MRAP: variants seen among roughly 807,000 people sequenced by gnomAD.
MRAP encodes melanocortin-2 receptor accessory protein.
MRAP carries 8 observed loss-of-function variants against 8.7 expected under a neutral mutation model. The ratio of observed to expected loss-of-function variants is 0.92; its 90% confidence interval spans 0.54 to 1.66. The LOEUF (loss-of-function observed/expected upper bound fraction) is 1.66, where lower values mean the gene tolerates loss of function less well. Among genes scored for constraint, MRAP ranks in the 40% most tolerant of loss-of-function variants. The pLI, the probability that MRAP is intolerant of heterozygous loss-of-function variation, is 0.00. For missense variants in MRAP, 237 were observed against 217.1 expected (o/e 1.09, Z -0.58); for synonymous variants, 95 against 95.5 (o/e 1.00, Z 0.03).
At chr21:32,292,828 C>A (rs369347349) in intron 1 of MRAP, among the ~76,000 whole-genome samples, 39 of 151,924 alleles carry the variant, frequency 2.6e-4, no homozygotes, top group African/African-American at 8.9e-4. Flanking sequence ...TAGCAAAAAT[C>A]TTTAATAAAA....
At chr21:32,292,312 GTGATGGT>G (rs2032063546) in intron 1 of MRAP, among the ~76,000 whole-genome samples, 1 of 152,206 alleles carries the variant, frequency 6.6e-6, no homozygotes, top group Admixed American at 6.5e-5. Flanking sequence ...TTCAAGTTGA[GTGATGGT>G]TACATGTGAA....
chr21:32,309,062 G>A (rs2032487925), intron 2 of MRAP, among the ~76,000 whole-genome samples: 1 of 152,180 alleles, frequency 6.6e-6, no homozygotes, highest in African/African-American at 2.4e-5. Context: ...ACCTGAGGCT[G>A]AGTAATTTAT....
upstream of MRAP, among the ~76,000 whole-genome samples, chr21:32,295,314 T>C (rs1309378791): frequency 6.6e-6 from 1 of 152,180 alleles, no homozygotes; most frequent in East Asian, 1.9e-4. Flanking sequence ...TTGGGCTTTA[T>C]ATGTGGGCAT....
intron 2 of MRAP, among the ~76,000 whole-genome samples, chr21:32,310,361 G>A (rs1196967569): frequency 6.6e-6 from 1 of 152,092 alleles, no homozygotes; most frequent in Non-Finnish European, 1.5e-5. Context: ...GAGGAGGGAG[G>A]TGGGGAGAGC....
chr21:32,302,448 T>C (rs1294842221), intron 1 of MRAP, among the ~76,000 whole-genome samples: 5 of 152,230 alleles, frequency 3.3e-5, no homozygotes, highest in Non-Finnish European at 5.9e-5. Flanking sequence ...ACCTTTCATT[T>C]GGATTTTTAA....
chr21:32,299,075 A>C lies in MRAP; in HGVS notation c.104A>C (p.Lys35Thr). ...GACGAGAAGAAGCTGAAAGCCCACA[A>C]ACGTAAGTCTGAACTAGGGAAGCCG... ...PVDEKKLKAH[K>T]HSIVIAFWVS... Residue 35 changes from lysine to threonine, a missense_variant and splice_region_variant, in exon 1 of 3, where the codon AAA (lysine) becomes ACA (threonine). Coordinates refer to ENST00000303645, the MANE Select transcript of MRAP (RefSeq NM_001379228.1). The C allele has an allele frequency of 1.2e-6, 2 of 1,613,486 alleles. No homozygotes were observed. The highest frequency in any genetic ancestry group is 1.7e-6 in the Non-Finnish European group (2 of 1,179,460).
intron 2 of MRAP, among the ~76,000 whole-genome samples, chr21:32,307,625 C>T (rs1259974678): frequency 6.6e-6 from 1 of 151,490 alleles, no homozygotes; most frequent in Non-Finnish European, 1.5e-5. Context: ...GGCCCAGTAG[C>T]TCACACCTGC....
chr21:32,314,340 A>T (rs933250688), downstream of MRAP: 3 of 474,422 alleles, frequency 6.3e-6, no homozygotes, highest in Non-Finnish European at 1.2e-5. Context: ...GTGCGCTACC[A>T]TGCCTGGCTA....
chr21:32,312,316 T>A, downstream of MRAP: 1 of 1,288,520 alleles, frequency 7.8e-7, no homozygotes, highest in Non-Finnish European at 9.9e-7. Context: ...ATCTTTACTA[T>A]GCCACTTTAC....
At chr21:32,292,162 C>T (rs1044129043) in intron 1 of MRAP, among the ~76,000 whole-genome samples, 1 of 151,916 alleles carries the variant, frequency 6.6e-6, no homozygotes, top group African/African-American at 2.4e-5. Context: ...AAAAAAAGCC[C>T]TCCTGCAGAG....
chr21:32,301,944 T>C (rs1243129254), intron 1 of MRAP, among the ~76,000 whole-genome samples: 1 of 152,222 alleles, frequency 6.6e-6, no homozygotes, highest in Non-Finnish European at 1.5e-5. Flanking sequence ...TACATAAAAC[T>C]CTTTTTCTCT....
rs761438864 is a variant in MRAP, at chr21:32,311,732, C to T, written c.255C>T (p.Asn85=). 7.4e-6 allele frequency: 12 copies of T among 1,613,980 alleles called. No individual in the cohort carries two copies. The African/African-American group carries it at 1.3e-4, about 18-fold the overall frequency. ...CATGCCCCTGGAGTCACGGCCTCAA[C>T]CTCCACCTCTGCATCCAGAAGTGCC... is the stretch of plus-strand genomic sequence containing the variant. ...HQTCPWSHGL[N]LHLCIQKCLP... is the part of the protein sequence containing the mutation. The change falls in exon 3 of 3, where the codon AAC becomes AAT. Residue 85 remains asparagine, a synonymous_variant. Coordinates refer to ENST00000303645, the MANE Select transcript of MRAP (RefSeq NM_001379228.1).
intron 2 of MRAP, 148 bp downstream of exon 2, chr21:32,306,887 T>G: frequency 1.4e-6 from 1 of 726,812 alleles, no homozygotes; most frequent in Non-Finnish European, 2.5e-6. Context: ...ACCTACCAGC[T>G]GAGCATCTCA....
rs777849247 is a variant in MRAP, at chr21:32,306,732, C to T, written c.199C>T (p.Gln67Ter). 6.2e-7 allele frequency: 1 copy of T among 1,613,888 alleles called. No individual in the cohort carries two copies. The highest frequency in any genetic ancestry group is 8.5e-7 in the Non-Finnish European group (1 of 1,179,764). ...CTACATGTCCTGGTCCGCCTCCCCG[C>T]AGATGAGGTGGGTAAGAAGGGGTGT... ...LLYMSWSASP[Q>*]MRNSPKHHQT... The change falls in exon 2 of 3, where the codon CAG becomes TAG. Residue 67 changes from glutamine (Q) to a stop codon, truncating the protein, a stop_gained. Coordinates refer to ENST00000303645, the MANE Select transcript of MRAP (RefSeq NM_001379228.1). LOFTEE classifies it low-confidence loss of function (END_TRUNC).
intron 1 of MRAP, among the ~76,000 whole-genome samples, chr21:32,300,466 T>C (rs1390449855): frequency 6.7e-6 from 1 of 150,372 alleles, no homozygotes; most frequent in Non-Finnish European, 1.5e-5. Flanking sequence ...TCACACGTCT[T>C]ATGTCAGGGG....
chr21:32,311,408 A>AG, intron 2 of MRAP: 1 of 212,656 alleles, frequency 4.7e-6, no homozygotes. Flanking sequence ...GCTCCCCTCC[A>AG]CCCCCCACCC....
chr21:32,300,951 TATATC>T (rs773361344), intron 1 of MRAP, among the ~76,000 whole-genome samples: 34 of 148,898 alleles, frequency 2.3e-4, no homozygotes, highest in South Asian at 4.2e-4. Flanking sequence ...ATATCAATGA[TATATC>T]ATGATTTCAA....
upstream of MRAP, among the ~76,000 whole-genome samples, chr21:32,294,190 C>A (rs994797635): frequency 6.6e-6 from 1 of 152,216 alleles, no homozygotes; most frequent in Middle Eastern, 3.2e-3. Context: ...TCTCGGCTCA[C>A]TGCAAGCTCC....
intron 1 of MRAP, among the ~76,000 whole-genome samples, chr21:32,302,372 A>C (rs1470439424): frequency 2.0e-5 from 3 of 152,210 alleles, no homozygotes; most frequent in African/African-American, 7.2e-5. Context: ...GTATTTGATG[A>C]ATATATGTGT....
Sources: allele counts gnomAD v4.1 joint callset (sites outside exome capture counted in the v4.1 genomes callset), GRCh38; gene constraint gnomAD v4.1.1; transcripts MANE v1.5; gene names NCBI Gene and HGNC (gene_info 2026-07-23, HGNC 2026-07-21).